The following DPP10 variants were observed in gnomAD, a reference collection of about 807,000 sequenced individuals.
DPP10 encodes the protein inactive dipeptidyl peptidase 10.
Under a neutral mutation model 120.9 loss-of-function variants are expected in DPP10, and 33 were observed. The ratio of observed to expected loss-of-function variants is 0.27; its 90% CI spans 0.21 to 0.37. The LOEUF is 0.37. Among genes scored for constraint, DPP10 ranks in the 10% least tolerant of loss-of-function variants. The probability of loss-of-function intolerance (pLI) is 1.00; values close to 1 mark genes in which losing one functional copy is unlikely to be tolerated. For synonymous variants in DPP10, 337 were observed against 326.1 expected (o/e 1.03, Z -0.36); for missense variants, 816 against 942.8 (o/e 0.87, Z 1.76).
chr2:114,534,844 C>A (rs2104762622), intron 1 of DPP10, among the ~76,000 whole-genome samples: 1 of 152,240 alleles, frequency 6.6e-6, no homozygotes, highest in South Asian at 2.1e-4. Flanking sequence ...GTTACTTTGA[C>A]CTCTTCCTTC....
chr2:115,778,562 A>G (rs990051672), intron 15 of DPP10, among the ~76,000 whole-genome samples: 3 of 152,096 alleles, frequency 2.0e-5, no homozygotes, highest in African/African-American at 4.8e-5. Flanking sequence ...CTTTATATAC[A>G]TGTTCTAATT....
intron 1 of DPP10, among the ~76,000 whole-genome samples, chr2:115,047,616 C>T (rs538428933): frequency 2.8e-4 from 43 of 151,920 alleles, no homozygotes; most frequent in South Asian, 8.3e-4. Context: ...ATGTGAATTA[C>T]GCAAGCATTT....
intron 1 of DPP10, among the ~76,000 whole-genome samples, chr2:114,915,349 C>T (rs533633563): frequency 6.6e-6 from 1 of 152,076 alleles, no homozygotes; most frequent in African/African-American, 2.4e-5. Flanking sequence ...CTGGAGTACT[C>T]AGATTTATAA....
chr2:115,187,243 A>ACGGG (rs2054529126), intron 1 of DPP10, among the ~76,000 whole-genome samples: 2 of 150,584 alleles, frequency 1.3e-5, no homozygotes, highest in East Asian at 4.0e-4. Context: ...TCACCTTGTT[A>ACGGG]GCCAGGATGG....
At chr2:115,468,115 A>G in intron 3 of DPP10, 2 of 485,212 alleles carry the variant, frequency 4.1e-6, no homozygotes, top group Admixed American at 4.3e-5. Flanking sequence ...AGTTTCTTAC[A>G]GCAGGAACCC....
At chr2:115,573,503 C>T (rs1164390833) in intron 5 of DPP10, among the ~76,000 whole-genome samples, 1 of 150,722 alleles carries the variant, frequency 6.6e-6, no homozygotes, top group Non-Finnish European at 1.5e-5. Flanking sequence ...AGGTTGGTCT[C>T]GATCTCCTGA....
chr2:115,665,971 G>T (rs904926766), intron 5 of DPP10, among the ~76,000 whole-genome samples: 1 of 151,750 alleles, frequency 6.6e-6, no homozygotes, highest in African/African-American at 2.4e-5. Flanking sequence ...CAGGAGTTTG[G>T]CATATAGATT....
intron 1 of DPP10, among the ~76,000 whole-genome samples, chr2:114,712,750 C>A (rs1403990107): frequency 2.0e-5 from 3 of 152,050 alleles, no homozygotes; most frequent in Non-Finnish European, 4.4e-5. Context: ...CTAGAAATAT[C>A]CATTTTAATT....
chr2:114,641,938 A>G (rs1397075690), intron 1 of DPP10, among the ~76,000 whole-genome samples: 1 of 151,870 alleles, frequency 6.6e-6, no homozygotes, highest in African/African-American at 2.4e-5. Flanking sequence ...AAGCAGATAC[A>G]CTTTTTCACT....
At chr2:114,664,631 A>T (rs1697758513) in intron 1 of DPP10, among the ~76,000 whole-genome samples, 3 of 151,028 alleles carry the variant, frequency 2.0e-5, no homozygotes, top group African/African-American at 7.3e-5. Context: ...CGTCTCAAAA[A>T]AAAAAAAAAA....
intron 19 of DPP10, 96 bp downstream of exon 19, chr2:115,791,452 C>G (rs1451346374): frequency 2.8e-6 from 3 of 1,084,604 alleles, no homozygotes; most frequent in Middle Eastern, 3.1e-4. Flanking sequence ...GAAGAGAAGT[C>G]CTATGTGTGT....
chr2:114,829,933 G>A (rs2106392438), intron 1 of DPP10, among the ~76,000 whole-genome samples: 1 of 151,914 alleles, frequency 6.6e-6, no homozygotes, highest in Admixed American at 6.6e-5. Context: ...GATCAAGTTG[G>A]GTTCAAGCTG....
At chr2:114,850,661 T>C (rs1688881434) in intron 1 of DPP10, among the ~76,000 whole-genome samples, 2 of 152,110 alleles carry the variant, frequency 1.3e-5, no homozygotes, top group Admixed American at 1.3e-4. Flanking sequence ...AAGTTGCTCC[T>C]CCCCAGTTTC....
At chr2:115,596,092 A>G (rs940146327) in intron 5 of DPP10, among the ~76,000 whole-genome samples, 7 of 152,172 alleles carry the variant, frequency 4.6e-5, no homozygotes, top group Non-Finnish European at 1.0e-4. Context: ...AGCTAGGCCA[A>G]GAAGAACTCA....
At position 114,844,223 on chromosome 2, in the gene DPP10, G is replaced by A. The variant is rs140945053; in HGVS notation, c.60+401385G>A. 1.6e-3 allele frequency among the ~76,000 whole-genome samples: 237 copies of A among 152,174 alleles called. 2 individuals are homozygous for A. The highest frequency in any genetic ancestry group is 5.5e-3 in the African/African-American group (229 of 41,524). ...TTCTGTGCACAATAATCTTTGTGCA[G>A]TGCTTTTATTCTTCACGCTTGATGT... is the stretch of plus-strand genomic sequence containing the variant. On this transcript the variant is annotated intron_variant, in intron 1 of 25. Transcript: ENST00000410059.
chr2:115,290,406 A>G (rs1050724151), intron 1 of DPP10, among the ~76,000 whole-genome samples: 2 of 152,144 alleles, frequency 1.3e-5, no homozygotes, highest in Non-Finnish European at 2.9e-5. Context: ...ATATGTGGAT[A>G]AATAGGCAGG....
chr2:114,559,480 C>T (rs974779275), intron 1 of DPP10, among the ~76,000 whole-genome samples: 1 of 152,224 alleles, frequency 6.6e-6, no homozygotes, highest in African/African-American at 2.4e-5. Context: ...TTTTGGACTT[C>T]TGACCTTCAG....
rs554966729 is a variant in DPP10 at position 115,822,709 on chromosome 2, A to G, written c.1950+6980A>G. Among the ~76,000 whole-genome samples, 236 of 152,056 alleles carry G rather than the reference A, an allele frequency of 1.6e-3. 13 individuals are homozygous for G. In the South Asian group the frequency reaches 0.048, roughly 31 times the overall value. Reference sequence around the variant, plus strand: ...ATCTATGCTTTGGTGCTTTCTGTCAATTCTAGAAAATTATCAATTTTCTAT... The same window carrying G: ...ATCTATGCTTTGGTGCTTTCTGTCAGTTCTAGAAAATTATCAATTTTCTAT... On this transcript the variant is annotated intron_variant, in intron 21 of 25. Transcript: ENST00000410059.
chr2:114,931,994 A>G (rs17043793), intron 1 of DPP10, among the ~76,000 whole-genome samples: 2,816 of 152,360 alleles, frequency 0.018, 88 homozygotes, highest in African/African-American at 0.062. Flanking sequence ...TGACAACCTT[A>G]GAGTTCATCA....
Sources: allele counts gnomAD v4.1 joint callset (sites outside exome capture counted in the v4.1 genomes callset), GRCh38; gene constraint gnomAD v4.1.1; transcripts MANE v1.5; gene names NCBI Gene and HGNC (gene_info 2026-07-23, HGNC 2026-07-21).